Variants in MDFIC2 observed in about 807,000 individuals in gnomAD.
MDFIC2 encodes myoD family inhibitor domain-containing protein 2.
chr3:70,265,411 A>G (rs984336964), intron 2 of MDFIC2, among the ~76,000 whole-genome samples: 8 of 152,228 alleles, frequency 5.3e-5, no homozygotes, highest in African/African-American at 1.2e-4. Context: ...GATTGCAGAG[A>G]AGGCAGGAAA....
intron 2 of MDFIC2, among the ~76,000 whole-genome samples, chr3:70,243,624 G>T (rs1289346386): frequency 6.6e-6 from 1 of 152,084 alleles, no homozygotes; most frequent in Non-Finnish European, 1.5e-5. Flanking sequence ...TTCTGGGTTG[G>T]GTGGCAGCGT....
chr3:70,304,636 A>T (rs1446637223), intron 2 of MDFIC2, among the ~76,000 whole-genome samples: 1 of 152,110 alleles, frequency 6.6e-6, no homozygotes, highest in Non-Finnish European at 1.5e-5. Flanking sequence ...CCTAAAATTC[A>T]ATTATTTCTA....
intron 2 of MDFIC2, among the ~76,000 whole-genome samples, chr3:70,216,394 C>T (rs568709481): frequency 5.3e-5 from 8 of 151,718 alleles, no homozygotes; most frequent in Admixed American, 1.3e-4. Context: ...TATATTAACC[C>T]ATTTAATACT....
chr3:70,303,673 T>C (rs1186020945), intron 2 of MDFIC2, among the ~76,000 whole-genome samples: 1 of 152,152 alleles, frequency 6.6e-6, no homozygotes. Flanking sequence ...CACTCTTTGA[T>C]AGTTCTTTAT....
At position 70,206,786 on chromosome 3, in the gene MDFIC2, C is replaced by T. The variant is rs932229433; in HGVS notation, c.93G>A (p.Thr31=). 2 of 397,198 alleles carry T rather than the reference C, an allele frequency of 5.0e-6. No individual in the cohort carries two copies. The highest frequency in any genetic ancestry group is 8.9e-6 in the Non-Finnish European group (2 of 225,280). 24.6% of individuals were successfully genotyped at this position (397,198 alleles called of 1,614,324 possible). The change falls in exon 3 of 4, where the codon ACG becomes ACA. Residue 31 remains threonine, a synonymous_variant. Coordinates refer to ENST00000567252, the MANE Select transcript of MDFIC2 (RefSeq NM_001364677.1). ...CTGCATGCTTTGCATTCGTGAGTTGCGTATCTAGAGGAAAAAAGAAAAAAC... is the reference window on the plus strand; with the variant it reads ...CTGCATGCTTTGCATTCGTGAGTTGTGTATCTAGAGGAAAAAAGAAAAAAC... The part of the protein sequence containing the change: ...KNNISWLKED[T]QLTNAKHADE...
Position 70,203,562 on chromosome 3 carries a change from G to GT in MDFIC2, c.310+3006dup, listed in dbSNP as rs544778921. 3.6e-3 allele frequency among the ~76,000 whole-genome samples: 554 copies of GT among 152,170 alleles called. 1 individual carries two copies. Among genetic ancestry groups the GT allele is most frequent in the African/African-American group, 0.012 (501 of 41,538 alleles). ...TGATACTAAGTAAATTTGGGCTTAT[G>GT]TTTTTTTCTGAGCAAATGAACTGAA... is the stretch of plus-strand genomic sequence containing the variant. On this transcript the variant is annotated intron_variant, in intron 3 of 3. Transcript: ENST00000567252.
At chr3:70,292,858 C>T (rs1702251836) in intron 2 of MDFIC2, among the ~76,000 whole-genome samples, 2 of 151,670 alleles carry the variant, frequency 1.3e-5, no homozygotes, top group South Asian at 4.2e-4. Flanking sequence ...GGTAGAATTA[C>T]CTTGATAGAA....
chr3:70,220,331 C>T (rs779802628), intron 2 of MDFIC2, among the ~76,000 whole-genome samples: 3 of 151,918 alleles, frequency 2.0e-5, no homozygotes, highest in Non-Finnish European at 2.9e-5. Flanking sequence ...TTTGGGAGGC[C>T]GAGGTGAGAG....
At chr3:70,220,869 C>T (rs17006862) in intron 2 of MDFIC2, among the ~76,000 whole-genome samples, 2,747 of 152,182 alleles carry the variant, frequency 0.018, 91 homozygotes, top group African/African-American at 0.061. Flanking sequence ...GTGTGTCTTT[C>T]CCACCATCAG....
At chr3:70,212,554 A>G (rs1242939618) in intron 2 of MDFIC2, among the ~76,000 whole-genome samples, 4 of 151,890 alleles carry the variant, frequency 2.6e-5, no homozygotes, top group Admixed American at 6.6e-5. Flanking sequence ...TTTCATTTCC[A>G]TTACTGCCAC....
intron 2 of MDFIC2, chr3:70,272,198 G>C (rs1701982141): frequency 6.6e-6 from 1 of 152,062 alleles, no homozygotes; most frequent in Non-Finnish European, 1.5e-5. Context: ...TGCATAGTGG[G>C]GGTTTGACAA....
At chr3:70,286,667 G>A (rs1702167253) in intron 2 of MDFIC2, among the ~76,000 whole-genome samples, 1 of 152,100 alleles carries the variant, frequency 6.6e-6, no homozygotes, top group African/African-American at 2.4e-5. Flanking sequence ...CCATTTTCAT[G>A]ATATTGATTC....
At chr3:70,291,060 C>T (rs140707192) in intron 2 of MDFIC2, 1 of 152,488 alleles carries the variant, frequency 6.6e-6, no homozygotes, top group Non-Finnish European at 1.5e-5. Flanking sequence ...AGAGATGTTC[C>T]TATTCGGCCA....
intron 2 of MDFIC2, among the ~76,000 whole-genome samples, chr3:70,246,111 C>T (rs1701706350): frequency 6.6e-6 from 1 of 151,744 alleles, no homozygotes; most frequent in Non-Finnish European, 1.5e-5. Context: ...AAAAAAACCC[C>T]ACAGATATAT....
chr3:70,288,858 T>C (rs964772816), intron 2 of MDFIC2, among the ~76,000 whole-genome samples: 1 of 151,644 alleles, frequency 6.6e-6, no homozygotes, highest in Non-Finnish European at 1.5e-5. Context: ...TAAAGTCTGT[T>C]TTATCAGAGA....
chr3:70,249,930 C>T (rs899876041), intron 2 of MDFIC2, among the ~76,000 whole-genome samples: 6 of 152,164 alleles, frequency 3.9e-5, no homozygotes, highest in African/African-American at 1.2e-4. Flanking sequence ...AGGAACAGTA[C>T]TCCAAGTGGC....
At chr3:70,290,672 T>C (rs952234293) in intron 2 of MDFIC2, among the ~76,000 whole-genome samples, 1 of 152,136 alleles carries the variant, frequency 6.6e-6, no homozygotes, top group African/African-American at 2.4e-5. Flanking sequence ...GCTGCCGCCT[T>C]GCAGTTTGAT....
intron 2 of MDFIC2, among the ~76,000 whole-genome samples, chr3:70,239,398 G>A (rs546951756): frequency 6.6e-6 from 1 of 152,138 alleles, no homozygotes; most frequent in South Asian, 2.1e-4. Flanking sequence ...CACCATTCAG[G>A]ATGTTATGCA....
At chr3:70,251,023 C>T (rs1264610123) in intron 2 of MDFIC2, among the ~76,000 whole-genome samples, 1 of 152,162 alleles carries the variant, frequency 6.6e-6, no homozygotes, top group African/African-American at 2.4e-5. Flanking sequence ...CATTTAAACG[C>T]CTTTCCAGAG....
Sources: gnomAD v4.1 joint callset for allele counts (sites outside exome capture counted in the v4.1 genomes callset) on GRCh38, gnomAD v4.1.1 for gene constraint, MANE v1.5 for transcripts, NCBI Gene and HGNC (gene_info 2026-07-23, HGNC 2026-07-21) for gene names.